The following EPHA6 variants were observed in gnomAD, a reference collection of about 807,000 sequenced individuals.
EPHA6 encodes EPH receptor A6.
EPHA6 carries 50 observed loss-of-function variants against 112.0 expected under a neutral mutation model. That is an observed-to-expected ratio of 0.45 (90% CI 0.36 to 0.56). The LOEUF (loss-of-function observed/expected upper bound fraction) is 0.56, where lower values mean the gene tolerates loss of function less well. EPHA6 is among the 20% of genes least tolerant of loss of function. The probability of loss-of-function intolerance (pLI) is 0.00; values close to 1 mark genes in which losing one functional copy is unlikely to be tolerated. For missense variants in EPHA6, 1,280 were observed against 1,417.4 expected (o/e 0.90, Z 1.56); for synonymous variants, 529 against 490.7 (o/e 1.08, Z -1.03).
chr3:97,075,999 C>T (rs1005221090), intron 3 of EPHA6, among the ~76,000 whole-genome samples: 3 of 151,984 alleles, frequency 2.0e-5, no homozygotes, highest in African/African-American at 4.8e-5. Context: ...CTCTTCCTGT[C>T]CTTGGGGCTG....
At chr3:96,875,752 C>T (rs979885496) in intron 2 of EPHA6, among the ~76,000 whole-genome samples, 4 of 152,152 alleles carry the variant, frequency 2.6e-5, no homozygotes, top group South Asian at 2.1e-4. Context: ...CACACACATA[C>T]ACAAACACAC....
chr3:97,227,203 T>C (rs1404887594), intron 4 of EPHA6, among the ~76,000 whole-genome samples: 2 of 151,030 alleles, frequency 1.3e-5, no homozygotes, highest in Admixed American at 6.6e-5. Flanking sequence ...TATATAAATT[T>C]AGAAAAAGGT....
intron 2 of EPHA6, among the ~76,000 whole-genome samples, chr3:96,951,353 A>G (rs548345622): frequency 5.9e-5 from 9 of 152,242 alleles, no homozygotes; most frequent in African/African-American, 2.2e-4. Context: ...TATTTAATCA[A>G]TCAGTAGCAT....
At chr3:97,033,257 T>C (rs368188920) in intron 3 of EPHA6, among the ~76,000 whole-genome samples, 7 of 151,992 alleles carry the variant, frequency 4.6e-5, no homozygotes, top group African/African-American at 1.4e-4. Flanking sequence ...ACAATGATTG[T>C]AGTTAAAGCA....
chr3:96,886,982 ACTT>A (rs2037662895), intron 2 of EPHA6, among the ~76,000 whole-genome samples: 1 of 151,938 alleles, frequency 6.6e-6, no homozygotes, highest in South Asian at 2.1e-4. Flanking sequence ...TTCTACCTTA[ACTT>A]CTTGTATCAT....
At chr3:97,241,771 G>GT (rs1220773703) in intron 4 of EPHA6, among the ~76,000 whole-genome samples, 89 of 103,642 alleles carry the variant, frequency 8.6e-4, no homozygotes, top group South Asian at 1.6e-3. Context: ...TTTTTTTTTT[G>GT]TTTTTTTTTT....
intron 3 of EPHA6, among the ~76,000 whole-genome samples, chr3:97,089,337 C>CT (rs531963551): frequency 3.9e-5 from 6 of 151,938 alleles, no homozygotes; most frequent in Non-Finnish European, 8.8e-5. Context: ...TCACAGTTTG[C>CT]TTTTTTAACA....
chr3:97,696,044 A>G (rs756172297), intron 14 of EPHA6, among the ~76,000 whole-genome samples: 3 of 152,254 alleles, frequency 2.0e-5, no homozygotes, highest in Non-Finnish European at 2.9e-5. Flanking sequence ...GATTTTTCAC[A>G]TAACTTTCTA....
intron 3 of EPHA6, among the ~76,000 whole-genome samples, chr3:97,169,086 T>C (rs759423127): frequency 6.6e-6 from 1 of 152,194 alleles, no homozygotes; most frequent in Non-Finnish European, 1.5e-5. Context: ...TTGGAGACTG[T>C]CTTATGCTCT....
At chr3:97,402,735 G>A (rs911731877) in intron 5 of EPHA6, among the ~76,000 whole-genome samples, 1 of 151,862 alleles carries the variant, frequency 6.6e-6, no homozygotes, top group Non-Finnish European at 1.5e-5. Context: ...ATTCTCTCTC[G>A]AGAATATATT....
At chr3:97,223,037 CTT>C (rs1485115745) in intron 3 of EPHA6, among the ~76,000 whole-genome samples, 2 of 152,144 alleles carry the variant, frequency 1.3e-5, no homozygotes, top group Admixed American at 6.6e-5. Flanking sequence ...AGTGAATAGA[CTT>C]TTCAACAGAG....
At chr3:96,997,345 G>A (rs950137655) in intron 3 of EPHA6, among the ~76,000 whole-genome samples, 1 of 151,952 alleles carries the variant, frequency 6.6e-6, no homozygotes, top group Non-Finnish European at 1.5e-5. Context: ...GGCTAACTCT[G>A]GGGCAAGAAG....
At position 97,306,842 on chromosome 3, in the gene EPHA6, T is replaced by G. The variant is rs2081341353; in HGVS notation, c.1606+62555T>G. Among the ~76,000 whole-genome samples, 3 of 151,598 alleles carry G rather than the reference T, an allele frequency of 2.0e-5. No individual in the cohort carries two copies. In the South Asian group the frequency reaches 6.2e-4, roughly 31 times the overall value. On this transcript the variant is annotated intron_variant, in intron 5 of 17. Coordinates refer to ENST00000389672, the MANE Select transcript of EPHA6 (RefSeq NM_001080448.3). ...GCCTACCAGTTATGTAAAAAAAATTTTTTTTGAAGTAGGTTATTTCCACAA... is the reference window on the plus strand; with the variant it reads ...GCCTACCAGTTATGTAAAAAAAATTGTTTTTGAAGTAGGTTATTTCCACAA...
At chr3:97,181,321 C>T (rs570300016) in intron 3 of EPHA6, among the ~76,000 whole-genome samples, 13 of 152,084 alleles carry the variant, frequency 8.5e-5, no homozygotes, top group African/African-American at 2.9e-4. Context: ...AATTTAAAAC[C>T]AGGCACTATG....
chr3:97,466,662 A>G (rs947340119), intron 7 of EPHA6, among the ~76,000 whole-genome samples: 3 of 151,956 alleles, frequency 2.0e-5, no homozygotes, highest in African/African-American at 7.2e-5. Flanking sequence ...CATTAAACTA[A>G]CATCTACATA....
At chr3:97,593,223 T>A (rs1007483032) in intron 12 of EPHA6, among the ~76,000 whole-genome samples, 23 of 152,270 alleles carry the variant, frequency 1.5e-4, no homozygotes, top group African/African-American at 5.3e-4. Flanking sequence ...AGAATAAAAA[T>A]TAATATGCAT....
At chr3:97,002,659 A>T (rs908625687) in intron 3 of EPHA6, among the ~76,000 whole-genome samples, 1 of 151,956 alleles carries the variant, frequency 6.6e-6, no homozygotes. Context: ...TTTGAGTGAC[A>T]TAAAGAATAT....
At chr3:97,131,487 G>A (rs1252222857) in intron 3 of EPHA6, among the ~76,000 whole-genome samples, 2 of 152,064 alleles carry the variant, frequency 1.3e-5, no homozygotes, top group African/African-American at 2.4e-5. Flanking sequence ...AGATTTGTTA[G>A]TAAAAGAATA....
chr3:96,951,911 A>G (rs879790592), intron 2 of EPHA6, among the ~76,000 whole-genome samples: 2 of 152,128 alleles, frequency 1.3e-5, no homozygotes, highest in African/African-American at 4.8e-5. Context: ...GAAAATTAGC[A>G]TGGTCTCCAG....
Sources: gnomAD v4.1 joint callset for allele counts (sites outside exome capture counted in the v4.1 genomes callset) on GRCh38, gnomAD v4.1.1 for gene constraint, MANE v1.5 for transcripts, NCBI Gene and HGNC (gene_info 2026-07-23, HGNC 2026-07-21) for gene names.